Variants in BCO1 observed in about 807,000 individuals in gnomAD.
BCO1 encodes the protein beta,beta-carotene 15,15'-dioxygenase.
BCO1 carries 54 observed loss-of-function variants against 56.3 expected under a neutral mutation model. That is an observed-to-expected ratio of 0.96 (90% CI 0.77 to 1.20). BCO1 has a LOEUF of 1.20. Among genes scored for constraint, BCO1 ranks in the 50% most tolerant of loss-of-function variants. The pLI is 0.00. For synonymous variants in BCO1, 318 were observed against 266.1 expected (o/e 1.20, Z -1.90); for missense variants, 801 against 690.9 (o/e 1.16, Z -1.79).
intron 5 of BCO1, 60 bp downstream of exon 5, chr16:81,264,847 A>C (rs574321964): frequency 1.3e-6 from 2 of 1,594,734 alleles, no homozygotes; most frequent in East Asian, 2.2e-5. Flanking sequence ...TCTTCTGAAG[A>C]GTTCTGTTTT....
chr16:81,266,205 C>T (rs1397690135), intron 5 of BCO1, among the ~76,000 whole-genome samples: 1 of 152,216 alleles, frequency 6.6e-6, no homozygotes, highest in Non-Finnish European at 1.5e-5. Context: ...TTCTCCAGGC[C>T]TTCTGGACCT....
At chr16:81,277,165 T>G (rs536433388) in intron 7 of BCO1, among the ~76,000 whole-genome samples, 115 of 151,998 alleles carry the variant, frequency 7.6e-4, no homozygotes, top group African/African-American at 2.7e-3. Flanking sequence ...CACGCCATCA[T>G]GAAGGGCTGC....
chr16:81,273,304 C>T (rs1042256681), intron 7 of BCO1, among the ~76,000 whole-genome samples: 2 of 152,116 alleles, frequency 1.3e-5, no homozygotes, highest in African/African-American at 2.4e-5. Flanking sequence ...TTTGTAACTA[C>T]GAAGGAGGAG....
intron 5 of BCO1, among the ~76,000 whole-genome samples, chr16:81,266,328 G>A (rs1051469011): frequency 1.3e-5 from 2 of 152,298 alleles, no homozygotes; most frequent in African/African-American, 2.4e-5. Flanking sequence ...ACCCTCCTGG[G>A]AACCACACCC....
At chr16:81,276,645 A>C (rs1315291666) in intron 7 of BCO1, among the ~76,000 whole-genome samples, 3 of 152,266 alleles carry the variant, frequency 2.0e-5, no homozygotes, top group Non-Finnish European at 4.4e-5. Context: ...AGACCAGCAC[A>C]GTGCATTGCT....
chr16:81,267,764 C>T (rs2151940370), intron 5 of BCO1, 144 bp from the exon 6 acceptor site: 2 of 725,694 alleles, frequency 2.8e-6, no homozygotes, highest in African/African-American at 1.7e-5. Flanking sequence ...GCAGCTGCAG[C>T]AACCTTGTTG....
chr16:81,288,247 T>C (rs1908293218), intron 10 of BCO1, among the ~76,000 whole-genome samples: 1 of 152,222 alleles, frequency 6.6e-6, no homozygotes, highest in African/African-American at 2.4e-5. Context: ...TTAAAATTGA[T>C]TGCAGTGGCT....
chr16:81,240,254 T>C (rs1905051784), intron 1 of BCO1, among the ~76,000 whole-genome samples: 1 of 152,116 alleles, frequency 6.6e-6, no homozygotes, highest in African/African-American at 2.4e-5. Context: ...CCACTATTAA[T>C]ATTTGGGTCT....
intron 1 of BCO1, among the ~76,000 whole-genome samples, chr16:81,240,064 A>T (rs1905045169): frequency 6.6e-6 from 1 of 151,936 alleles, no homozygotes; most frequent in South Asian, 2.1e-4. Flanking sequence ...GTCTTTTGAA[A>T]CAAAAAAAAA....
intron 2 of BCO1, among the ~76,000 whole-genome samples, chr16:81,256,052 A>G (rs999723294): frequency 1.3e-5 from 2 of 151,238 alleles, no homozygotes; most frequent in African/African-American, 4.9e-5. Context: ...CTGACCTCAA[A>G]TGATCCACCT....
intron 9 of BCO1, among the ~76,000 whole-genome samples, chr16:81,286,834 T>A (rs1484918973): frequency 6.6e-6 from 1 of 150,842 alleles, no homozygotes; most frequent in Admixed American, 6.6e-5. Flanking sequence ...CCCAGCATTC[T>A]GGGAGGCTGA....
chr16:81,264,237 C>T, intron 4 of BCO1: 1 of 288,362 alleles, frequency 3.5e-6, no homozygotes, highest in South Asian at 3.9e-5. Flanking sequence ...AAGATTAGCT[C>T]GAAGGCTACC....
intron 10 of BCO1, 76 bp downstream of exon 10, chr16:81,287,482 G>A: frequency 4.4e-6 from 5 of 1,146,886 alleles, no homozygotes; most frequent in South Asian, 2.5e-5. Context: ...CCATCTGGGG[G>A]CAGCTGACCC....
chr16:81,267,170 TAA>T (rs1906880122), intron 5 of BCO1, among the ~76,000 whole-genome samples: 1 of 152,110 alleles, frequency 6.6e-6, no homozygotes, highest in Non-Finnish European at 1.5e-5. Flanking sequence ...TAATCCCTGA[TAA>T]AAGAGGAGGA....
rs533428884 is a variant in BCO1, at chr16:81,271,999, C to T, written c.1101+1583C>T. On this transcript the variant is annotated intron_variant, in intron 7 of 10. Transcript: ENST00000258168. ...TGAACTCAGGCAATCTGCCCCCCTA[C>T]GTCTCCCAAAGTGCTGGGGTTTCAG... Among the ~76,000 whole-genome samples, 14 of 152,208 alleles carry T rather than the reference C, an allele frequency of 9.2e-5. No homozygotes were observed. The South Asian group carries it at 1.7e-3, about 18-fold the overall frequency.
chr16:81,256,721 C>G (rs570522062), intron 2 of BCO1, among the ~76,000 whole-genome samples: 3 of 152,178 alleles, frequency 2.0e-5, no homozygotes, highest in South Asian at 4.2e-4. Flanking sequence ...AACCTCGTCT[C>G]TACTAAAAAT....
chr16:81,242,636 T>C (rs1334308096), intron 1 of BCO1, among the ~76,000 whole-genome samples: 1 of 152,144 alleles, frequency 6.6e-6, no homozygotes, highest in East Asian at 1.9e-4. Context: ...GTCCTCTCTC[T>C]GGTCTTCCTG....
chr16:81,266,780 A>T (rs1388715678), intron 5 of BCO1, among the ~76,000 whole-genome samples: 1 of 152,176 alleles, frequency 6.6e-6, no homozygotes, highest in Non-Finnish European at 1.5e-5. Flanking sequence ...CACCTGCTCC[A>T]TGCTGGCGGT....
chr16:81,269,770 G>T (rs142870085), intron 6 of BCO1, among the ~76,000 whole-genome samples: 2 of 152,204 alleles, frequency 1.3e-5, no homozygotes, highest in Non-Finnish European at 1.5e-5. Context: ...CCCTGCCAAG[G>T]CTCCAGTCTT....
Sources: allele counts gnomAD v4.1 joint callset (sites outside exome capture counted in the v4.1 genomes callset), GRCh38; gene constraint gnomAD v4.1.1; transcripts MANE v1.5; gene names NCBI Gene and HGNC (gene_info 2026-07-23, HGNC 2026-07-21).